FER: variants seen among roughly 807,000 people sequenced by gnomAD.
FER encodes the protein tyrosine-protein kinase Fer.
Under a neutral mutation model 111.0 loss-of-function variants are expected in FER, and 63 were observed. The ratio of observed to expected loss-of-function variants is 0.57; its 90% CI spans 0.46 to 0.70. The LOEUF is 0.70. Among genes scored for constraint, FER ranks in the 30% least tolerant of loss-of-function variants. FER has a pLI of 0.00. For missense variants in FER, 914 were observed against 954.0 expected (o/e 0.96, Z 0.55); for synonymous variants, 327 against 313.9 (o/e 1.04, Z -0.44).
At chr5:109,004,875 A>G (rs1258197694) in intron 13 of FER, among the ~76,000 whole-genome samples, 1 of 152,160 alleles carries the variant, frequency 6.6e-6, no homozygotes, top group Non-Finnish European at 1.5e-5. Flanking sequence ...ATTTATTAAT[A>G]AGTATCATAT....
intron 17 of FER, among the ~76,000 whole-genome samples, chr5:109,167,093 C>T (rs1286375751): frequency 6.6e-6 from 1 of 152,092 alleles, no homozygotes; most frequent in African/African-American, 2.4e-5. Context: ...ACTATCTCTT[C>T]TTATAGAATT....
intron 4 of FER, among the ~76,000 whole-genome samples, chr5:108,835,000 C>A (rs1021562838): frequency 6.6e-6 from 1 of 152,132 alleles, no homozygotes; most frequent in Non-Finnish European, 1.5e-5. Context: ...ATCTGGGACA[C>A]ATATTTTTTC....
chr5:108,832,938 A>T lies in FER; in HGVS notation c.376A>T (p.Ile126Phe). Residue 126 changes from isoleucine (I) to phenylalanine (F), a missense_variant, in exon 4 of 20, where the codon ATC (isoleucine) becomes TTC (phenylalanine). Ile to Phe is a conservative substitution (Grantham distance 21). Transcript: ENST00000281092. ...TCATCAGCAGATAGAGGCAGAGATG[A>T]TCAAGGTTCGTTTTTCCATATTGAA... Reference protein sequence around the residue: ...GVHQQIEAEMIKVTKTELEKL... With the variant: ...GVHQQIEAEMFKVTKTELEKL... 2 of 1,562,380 alleles carry T rather than the reference A, an allele frequency of 1.3e-6. No individual in the cohort carries two copies. Among genetic ancestry groups the T allele is most frequent in the Non-Finnish European group, 1.7e-6 (2 of 1,157,702 alleles).
intron 17 of FER, among the ~76,000 whole-genome samples, chr5:109,150,239 C>T (rs1333176120): frequency 6.6e-6 from 1 of 152,096 alleles, no homozygotes; most frequent in Non-Finnish European, 1.5e-5. Context: ...TCTATCTGAT[C>T]AGCTGGCTCT....
intron 10 of FER, among the ~76,000 whole-genome samples, chr5:108,908,298 C>G (rs555552558): frequency 9.2e-5 from 14 of 152,218 alleles, no homozygotes; most frequent in African/African-American, 3.1e-4. Context: ...TTTTTAAAAA[C>G]CTTTTTCCTT....
intron 13 of FER, among the ~76,000 whole-genome samples, chr5:109,036,456 T>G (rs2149878651): frequency 6.6e-6 from 1 of 152,190 alleles, no homozygotes; most frequent in East Asian, 1.9e-4. Flanking sequence ...TAGGGTGAAT[T>G]TTTACTTCAA....
At position 108,872,100 on chromosome 5, in the gene FER, G is replaced by A. The variant is rs1030254712; in HGVS notation, c.811G>A (p.Ala271Thr). Residue 271 changes from alanine to threonine, a missense_variant, in exon 8 of 20, where the codon GCT becomes ACT. Ala to Thr is a moderately conservative substitution (Grantham distance 58, BLOSUM62 0). Coordinates refer to ENST00000281092, the MANE Select transcript of FER (RefSeq NM_005246.4). ...NNFIDVHRTT[A>T]AKEQEIEFDT... ...TTTGCCATGCTTTACTAGAACAACGGCTGCTAAAGAACAAGAAATAGAGTT... is the reference window on the plus strand; with the variant it reads ...TTTGCCATGCTTTACTAGAACAACGACTGCTAAAGAACAAGAAATAGAGTT... 5 of 1,609,978 alleles carry A rather than the reference G, an allele frequency of 3.1e-6. No individual in the cohort carries two copies. The highest frequency in any genetic ancestry group is 1.7e-4 in the Middle Eastern group (1 of 6,036).
At chr5:109,061,618 CTG>C (rs1244332505) in intron 16 of FER, among the ~76,000 whole-genome samples, 2 of 152,110 alleles carry the variant, frequency 1.3e-5, no homozygotes, top group Non-Finnish European at 2.9e-5. Flanking sequence ...GCAAGATACT[CTG>C]TGGATGAAAA....
At chr5:109,016,224 G>A (rs1767095745) in intron 13 of FER, among the ~76,000 whole-genome samples, 2 of 151,976 alleles carry the variant, frequency 1.3e-5, no homozygotes, top group African/African-American at 4.8e-5. Context: ...CCTGTGTAGG[G>A]AAGCATACAA....
chr5:109,090,301 C>CA (rs1778025802), intron 16 of FER, among the ~76,000 whole-genome samples: 1 of 152,074 alleles, frequency 6.6e-6, no homozygotes, highest in Non-Finnish European at 1.5e-5. Context: ...CACATCCCCC[C>CA]AAAAAGAGTT....
chr5:109,053,599 C>CT lies in FER; in HGVS notation c.1924+6409dup, dbSNP rs1051362066. ...TAAAAATAGAATCATGCAGTAAGCA[C>CT]TTTTTTTTCCACTAAGTATAATTAT... On this transcript the variant is annotated intron_variant, in intron 16 of 19. Transcript: ENST00000281092. 5.3e-5 allele frequency among the ~76,000 whole-genome samples: 8 copies of CT among 150,858 alleles called. No individual in the cohort carries two copies. The East Asian group carries it at 5.8e-4, about 11-fold the overall frequency.
chr5:109,035,098 A>G (rs1163490840), intron 13 of FER, among the ~76,000 whole-genome samples: 7 of 145,622 alleles, frequency 4.8e-5, no homozygotes, highest in African/African-American at 1.8e-4. Flanking sequence ...CAGTGGCGCA[A>G]TCTTGGCTCA....
intron 16 of FER, among the ~76,000 whole-genome samples, chr5:109,062,113 G>GA (rs927942674): frequency 1.7e-4 from 26 of 150,048 alleles, no homozygotes; most frequent in East Asian, 7.8e-4. Context: ...TGGGTAATAT[G>GA]AAAAAAAAAC....
intron 10 of FER, among the ~76,000 whole-genome samples, chr5:108,927,552 C>G (rs933097520): frequency 1.3e-5 from 2 of 152,030 alleles, no homozygotes; most frequent in Non-Finnish European, 2.9e-5. Context: ...AGCCATCGCG[C>G]CCGGCGAGAA....
intron 13 of FER, among the ~76,000 whole-genome samples, chr5:109,009,522 C>G (rs1364986333): frequency 6.6e-6 from 1 of 152,162 alleles, no homozygotes; most frequent in Non-Finnish European, 1.5e-5. Flanking sequence ...CATTAATCAT[C>G]TCTTCTCAGC....
chr5:108,900,835 G>A (rs1184814200), intron 10 of FER, among the ~76,000 whole-genome samples: 6 of 152,168 alleles, frequency 3.9e-5, no homozygotes, highest in African/African-American at 4.8e-5. Flanking sequence ...AGTGTTTGAT[G>A]TTTATTTTGT....
At chr5:109,134,208 C>T (rs984564800) in intron 17 of FER, among the ~76,000 whole-genome samples, 2 of 151,906 alleles carry the variant, frequency 1.3e-5, no homozygotes, top group African/African-American at 4.8e-5. Flanking sequence ...AGCTCGAATA[C>T]CCAAAGAAAA....
At chr5:108,894,596 GC>G in intron 9 of FER, 2 of 376,910 alleles carry the variant, frequency 5.3e-6, no homozygotes, top group South Asian at 2.5e-5. Flanking sequence ...CCACATGCTT[GC>G]CCTCAAGGGA....
intron 17 of FER, among the ~76,000 whole-genome samples, chr5:109,155,740 A>C (rs1184187410): frequency 6.6e-6 from 1 of 151,992 alleles, no homozygotes; most frequent in Non-Finnish European, 1.5e-5. Flanking sequence ...GGATGATAAA[A>C]TAGATTGTGA....
Sources: allele counts gnomAD v4.1 joint callset (sites outside exome capture counted in the v4.1 genomes callset), GRCh38; gene constraint gnomAD v4.1.1; transcripts MANE v1.5; gene names NCBI Gene and HGNC (gene_info 2026-07-23, HGNC 2026-07-21).